The following TSHZ2 variants were observed in gnomAD, a reference collection of about 807,000 sequenced individuals.
The protein encoded by TSHZ2 is teashirt zinc finger homeobox 2, also known as teashirt homolog 2.
A neutral mutation model predicts 74.4 loss-of-function variants in TSHZ2; 21 were observed. The ratio of observed to expected loss-of-function variants is 0.28; its 90% CI spans 0.20 to 0.41. The LOEUF is 0.41. Ranked by LOEUF, TSHZ2 falls within the 10% of genes least tolerant of loss-of-function variation. The pLI, the probability that TSHZ2 is intolerant of heterozygous loss-of-function variation, is 1.00. For missense variants in TSHZ2, 1,244 were observed against 1,293.5 expected (o/e 0.96, Z 0.59); for synonymous variants, 540 against 515.3 (o/e 1.05, Z -0.65).
At chr20:53,124,323 G>T (rs866466809) in intron 1 of TSHZ2, among the ~76,000 whole-genome samples, 1 of 152,196 alleles carries the variant, frequency 6.6e-6, no homozygotes, top group African/African-American at 2.4e-5. Context: ...CCCAGATTTA[G>T]TCCCAATCAC....
At chr20:53,027,586 G>T (rs755649914) in intron 1 of TSHZ2, among the ~76,000 whole-genome samples, 36 of 152,188 alleles carry the variant, frequency 2.4e-4, no homozygotes, top group Middle Eastern at 3.4e-3. Context: ...TGCGTTCAAG[G>T]TACCAACAAA....
chr20:53,214,277 C>T (rs745902160), intron 1 of TSHZ2, among the ~76,000 whole-genome samples: 1 of 151,900 alleles, frequency 6.6e-6, no homozygotes, highest in Admixed American at 6.6e-5. Flanking sequence ...GGAGAGGGAG[C>T]GGATGATGGA....
At chr20:52,979,843 A>G (rs574994688) in intron 1 of TSHZ2, among the ~76,000 whole-genome samples, 1 of 152,348 alleles carries the variant, frequency 6.6e-6, no homozygotes, top group African/African-American at 2.4e-5. Context: ...AGCTATGCAT[A>G]ACAACAGGAA....
chr20:53,277,677 G>A (rs765891696), intron 2 of TSHZ2, among the ~76,000 whole-genome samples: 2 of 152,198 alleles, frequency 1.3e-5, no homozygotes, highest in Non-Finnish European at 2.9e-5. Flanking sequence ...AGTAGATAGA[G>A]GGCCTGTTTC....
At chr20:53,458,308 A>G (rs1422159996) in intron 2 of TSHZ2, among the ~76,000 whole-genome samples, 1 of 151,246 alleles carries the variant, frequency 6.6e-6, no homozygotes, top group South Asian at 2.1e-4. Flanking sequence ...GTGTCGAGGA[A>G]TTTATCCATT....
intron 2 of TSHZ2, among the ~76,000 whole-genome samples, chr20:53,347,498 C>G (rs181824115): frequency 1.7e-4 from 26 of 152,278 alleles, no homozygotes; most frequent in African/African-American, 6.0e-4. Context: ...TTATCCACCC[C>G]CCAACTCCTT....
At chr20:53,145,342 C>A (rs1463603030) in intron 1 of TSHZ2, among the ~76,000 whole-genome samples, 1 of 152,194 alleles carries the variant, frequency 6.6e-6, no homozygotes, top group Non-Finnish European at 1.5e-5. Flanking sequence ...TCTTTTCCTG[C>A]ACAAGATAAT....
chr20:53,072,716 C>T (rs1985213654), intron 1 of TSHZ2, among the ~76,000 whole-genome samples: 1 of 152,198 alleles, frequency 6.6e-6, no homozygotes, highest in Admixed American at 6.5e-5. Context: ...CAAGACTCCT[C>T]TGAGAAGTCC....
chr20:53,026,251 G>C (rs904219346), intron 1 of TSHZ2, among the ~76,000 whole-genome samples: 2 of 151,958 alleles, frequency 1.3e-5, no homozygotes, highest in African/African-American at 4.8e-5. Context: ...GCCCTCCTGT[G>C]ACCTGTCTGC....
chr20:53,471,246 A>G (rs974828388), intron 2 of TSHZ2, among the ~76,000 whole-genome samples: 1 of 152,148 alleles, frequency 6.6e-6, no homozygotes, highest in African/African-American at 2.4e-5. Flanking sequence ...TTTTAGTGAT[A>G]AATACTTTAA....
chr20:53,128,113 A>G (rs1441561073), intron 1 of TSHZ2, among the ~76,000 whole-genome samples: 1 of 149,416 alleles, frequency 6.7e-6, no homozygotes, highest in Non-Finnish European at 1.5e-5. Context: ...AATGATACTA[A>G]AGAAAATGTA....
At chr20:53,478,672 A>G in intron 2 of TSHZ2, among the ~76,000 whole-genome samples, 1 of 151,622 alleles carries the variant, frequency 6.6e-6, no homozygotes, top group South Asian at 2.1e-4. Context: ...ATAAATAAAA[A>G]ATAAAAATAA....
chr20:52,994,339 T>C (rs1331616362), intron 1 of TSHZ2, among the ~76,000 whole-genome samples: 1 of 152,032 alleles, frequency 6.6e-6, no homozygotes, highest in African/African-American at 2.4e-5. Context: ...AATGGATGAA[T>C]GGATGAATGG....
chr20:53,334,471 G>A (rs534946306), intron 2 of TSHZ2, among the ~76,000 whole-genome samples: 25 of 152,082 alleles, frequency 1.6e-4, no homozygotes, highest in Non-Finnish European at 3.7e-4. Context: ...AACCCTAAGG[G>A]GGTCTGCATG....
At chr20:53,412,103 C>G (rs528242387) in intron 2 of TSHZ2, among the ~76,000 whole-genome samples, 87 of 152,334 alleles carry the variant, frequency 5.7e-4, no homozygotes, top group African/African-American at 1.9e-3. Context: ...TCACTCTTAG[C>G]AGGGACGAGC....
At chr20:52,979,348 A>C (rs943770257) in intron 1 of TSHZ2, among the ~76,000 whole-genome samples, 1 of 152,222 alleles carries the variant, frequency 6.6e-6, no homozygotes, top group Admixed American at 6.5e-5. Context: ...CTGCTAGTCT[A>C]GGTCTGCAAA....
intron 2 of TSHZ2, among the ~76,000 whole-genome samples, chr20:53,471,023 G>C (rs1985782504): frequency 6.6e-6 from 1 of 152,080 alleles, no homozygotes; most frequent in Admixed American, 6.5e-5. Flanking sequence ...GAATGTATAT[G>C]AATGGTCTTT....
At chr20:53,298,094 C>A (rs1042500661) in intron 2 of TSHZ2, among the ~76,000 whole-genome samples, 1 of 152,150 alleles carries the variant, frequency 6.6e-6, no homozygotes, top group Non-Finnish European at 1.5e-5. Flanking sequence ...GAGGCATGTC[C>A]TTCTTGACCC....
chr20:53,472,945 C>T (rs112688632), intron 2 of TSHZ2, among the ~76,000 whole-genome samples: 40,948 of 151,662 alleles, frequency 0.27, 5,720 homozygotes, highest in East Asian at 0.46. Flanking sequence ...TGCGCTTTTC[C>T]GACGGGCTTA....
Sources: gnomAD v4.1 joint callset for allele counts (sites outside exome capture counted in the v4.1 genomes callset) on GRCh38, gnomAD v4.1.1 for gene constraint, MANE v1.5 for transcripts, NCBI Gene and HGNC (gene_info 2026-07-23, HGNC 2026-07-21) for gene names.